OLFM2: variants seen among roughly 807,000 people sequenced by gnomAD.
OLFM2 encodes noelin-2.
In OLFM2, 20 loss-of-function variants were observed where a neutral mutation model predicts 43.9. The observed-to-expected ratio is 0.46, with a 90% CI of 0.32 to 0.66. The LOEUF is 0.66. Ranked by LOEUF, OLFM2 falls within the 30% of genes least tolerant of loss-of-function variation. The pLI is 0.04. For missense variants in OLFM2, 416 were observed against 643.6 expected (o/e 0.65, Z 3.83); for synonymous variants, 268 against 278.6 (o/e 0.96, Z 0.38).
chr19:9,928,034 C>T (rs902975506), intron 1 of OLFM2, among the ~76,000 whole-genome samples: 2 of 151,296 alleles, frequency 1.3e-5, no homozygotes, highest in African/African-American at 2.4e-5. Context: ...CCCATCTCTA[C>T]CAAAAAAAAG....
intron 1 of OLFM2, among the ~76,000 whole-genome samples, chr19:9,935,445 T>G (rs1379051213): frequency 6.6e-6 from 1 of 152,006 alleles, no homozygotes; most frequent in Non-Finnish European, 1.5e-5. Flanking sequence ...GAGACCCGCT[T>G]CTGTAAGGGT....
chr19:9,881,718 G>A (rs2046541493), intron 1 of OLFM2, among the ~76,000 whole-genome samples: 2 of 148,888 alleles, frequency 1.3e-5, no homozygotes, highest in African/African-American at 5.0e-5. Context: ...GGCTGGTCTT[G>A]AACTCCTGCT....
At chr19:9,888,607 C>T (rs2046610119) in intron 1 of OLFM2, among the ~76,000 whole-genome samples, 1 of 151,956 alleles carries the variant, frequency 6.6e-6, no homozygotes, top group Non-Finnish European at 1.5e-5. Flanking sequence ...CACTTCCCTA[C>T]TCCATCTGCT....
In OLFM2 at chr19:9,908,464, A is replaced by ATTTTTTT. The variant is rs34305631; in HGVS notation, c.63+27833_63+27839dup. Among the ~76,000 whole-genome samples, 72 of 40,364 alleles carry ATTTTTTT rather than the reference A, an allele frequency of 1.8e-3. 1 individual carries two copies. Among genetic ancestry groups the ATTTTTTT allele is most frequent in the African/African-American group, 7.3e-3 (60 of 8,242 alleles). The allele number at this position is 40,364 out of a possible 152,430, so 26.5% of individuals were successfully genotyped here. On this transcript the variant is annotated intron_variant, in intron 1 of 5. Coordinates refer to ENST00000264833, the MANE Select transcript of OLFM2 (RefSeq NM_058164.4). ...AGGTGCCTGCCATCACACCTGGCTA[A>ATTTTTTT]TTTTTTTTTTTTTTTTTTTTTTTTT...
intron 1 of OLFM2, among the ~76,000 whole-genome samples, chr19:9,930,216 G>A (rs942283950): frequency 6.6e-6 from 1 of 152,162 alleles, no homozygotes; most frequent in African/African-American, 2.4e-5. Context: ...TGCCTATGGG[G>A]CCAAAGTTAG....
At chr19:9,918,652 G>A (rs899480481) in intron 1 of OLFM2, among the ~76,000 whole-genome samples, 4 of 152,168 alleles carry the variant, frequency 2.6e-5, no homozygotes, top group East Asian at 1.9e-4. Context: ...ACAAATTGCG[G>A]TACATCCATA....
chr19:9,867,393 C>A (rs190133859), intron 1 of OLFM2, among the ~76,000 whole-genome samples: 70 of 150,914 alleles, frequency 4.6e-4, no homozygotes, highest in African/African-American at 1.4e-3. Context: ...ATAACAACAA[C>A]AAAAAAAAAC....
At chr19:9,864,991 C>G (rs1187424172) in intron 1 of OLFM2, among the ~76,000 whole-genome samples, 1 of 151,824 alleles carries the variant, frequency 6.6e-6, no homozygotes, top group Admixed American at 6.6e-5. Context: ...ACTGCTCCCC[C>G]ACTGGTTCTT....
At chr19:9,887,146 C>T (rs1460733999) in intron 1 of OLFM2, among the ~76,000 whole-genome samples, 4 of 152,146 alleles carry the variant, frequency 2.6e-5, no homozygotes, top group Admixed American at 6.6e-5. Context: ...TAAGTACATT[C>T]ACTTGCAAAC....
At chr19:9,929,753 T>C (rs1374694522) in intron 1 of OLFM2, among the ~76,000 whole-genome samples, 1 of 150,308 alleles carries the variant, frequency 6.7e-6, no homozygotes, top group Non-Finnish European at 1.5e-5. Flanking sequence ...AACCCACACA[T>C]ACCAGGCCAG....
intron 1 of OLFM2, among the ~76,000 whole-genome samples, chr19:9,921,791 A>C (rs532839149): frequency 6.6e-6 from 1 of 152,248 alleles, no homozygotes; most frequent in South Asian, 2.1e-4. Context: ...AGCCTGAACT[A>C]CATTAAAATT....
intron 1 of OLFM2, among the ~76,000 whole-genome samples, chr19:9,914,754 A>G (rs7246721): frequency 0.44 from 66,150 of 151,832 alleles, 14,797 homozygotes; most frequent in Admixed American, 0.56. Context: ...CGGCGGCGGC[A>G]GCCGCTGGGC....
chr19:9,875,221 C>A (rs2046475200), intron 1 of OLFM2, among the ~76,000 whole-genome samples: 1 of 152,224 alleles, frequency 6.6e-6, no homozygotes, highest in Non-Finnish European at 1.5e-5. Flanking sequence ...AGAGAAGCAG[C>A]CGCATTTGCA....
At chr19:9,882,025 A>G (rs1165599027) in intron 1 of OLFM2, among the ~76,000 whole-genome samples, 1 of 151,970 alleles carries the variant, frequency 6.6e-6, no homozygotes, top group Non-Finnish European at 1.5e-5. Flanking sequence ...GCTTGAGCCC[A>G]GGCAATTACT....
intron 1 of OLFM2, among the ~76,000 whole-genome samples, chr19:9,862,893 T>A (rs1033069339): frequency 6.7e-6 from 1 of 149,742 alleles, no homozygotes; most frequent in Non-Finnish European, 1.5e-5. Context: ...GAGAATCGCT[T>A]GAACCTGGCG....
chr19:9,876,084 T>C (rs1241788371), intron 1 of OLFM2, among the ~76,000 whole-genome samples: 1 of 152,184 alleles, frequency 6.6e-6, no homozygotes, highest in Non-Finnish European at 1.5e-5. Context: ...GGCCCCAATT[T>C]AATCTCTTGC....
chr19:9,856,888 A>G lies in OLFM2; in HGVS notation c.606T>C (p.Ser202=). 2 of 1,612,048 alleles carry G rather than the reference A, an allele frequency of 1.2e-6. No homozygotes were observed. The highest frequency in any genetic ancestry group is 2.2e-5 in the South Asian group (2 of 90,538). ...KLGCGKLTGV[S]NPITVRAMGS... The stretch of plus-strand genomic sequence containing the variant: ...CCATGGCCCGAACGGTGATGGGGTT[A>G]CTGACCCCGGTCAGCTTCCCACAGC... Residue 202 remains serine, a synonymous_variant, in exon 5 of 6, where the codon AGT becomes AGC. Transcript: ENST00000264833. This position sits in a 1 kb window ranked among gnomAD's most constrained non-coding sequence, Gnocchi z 4.0.
chr19:9,866,107 T>C (rs1473988010), intron 1 of OLFM2, among the ~76,000 whole-genome samples: 6 of 152,184 alleles, frequency 3.9e-5, no homozygotes, highest in Admixed American at 6.5e-5. Context: ...CCTAAAATAA[T>C]TGTCTGCGTT....
chr19:9,882,411 G>A (rs901546751), intron 1 of OLFM2, among the ~76,000 whole-genome samples: 12 of 150,196 alleles, frequency 8.0e-5, no homozygotes, highest in East Asian at 2.0e-4. Context: ...GGTGGCGGGC[G>A]CCTGTAGTCC....
Sources: gnomAD v4.1 joint callset for allele counts (sites outside exome capture counted in the v4.1 genomes callset) on GRCh38, gnomAD v4.1.1 for gene constraint, Gnocchi (gnomAD v3.1) non-coding constraint, MANE v1.5 for transcripts, NCBI Gene and HGNC (gene_info 2026-07-23, HGNC 2026-07-21) for gene names.